The following OSBP2 variants were observed in gnomAD, a reference collection of about 807,000 sequenced individuals.
The protein encoded by OSBP2 is oxysterol binding protein 2.
OSBP2 carries 66 observed loss-of-function variants against 96.0 expected under a neutral mutation model. The observed-to-expected ratio is 0.69, with a 90% CI of 0.56 to 0.84. The LOEUF is 0.84. Ranked by LOEUF, OSBP2 falls within the 40% of genes least tolerant of loss-of-function variation. The pLI is 0.00. For missense variants in OSBP2, 1,038 were observed against 1,222.7 expected (o/e 0.85, Z 2.25); for synonymous variants, 525 against 520.9 (o/e 1.01, Z -0.11).
intron 2 of OSBP2, among the ~76,000 whole-genome samples, chr22:30,780,388 G>C (rs1211995788): frequency 1.3e-5 from 2 of 152,204 alleles, no homozygotes; most frequent in Non-Finnish European, 1.5e-5. Flanking sequence ...TACGTATAAA[G>C]AACCCGACAC....
At chr22:30,869,088 C>T (rs1445076265) in intron 2 of OSBP2, among the ~76,000 whole-genome samples, 8 of 152,216 alleles carry the variant, frequency 5.3e-5, no homozygotes, top group African/African-American at 1.9e-4. Flanking sequence ...GGCCAGCTGC[C>T]TCCTGCCCCA....
rs531290001 is a variant in OSBP2 at position 30,897,722 on chromosome 22, C to T, written c.2375+3721C>T. ...GGAGGCCGAAGGTAGCGGGGGAGGG[C>T]GGGGATCACCTGAGGTCAGGAGTTC... On this transcript the variant is annotated intron_variant, in intron 12 of 13. Transcript: ENST00000332585. Among the ~76,000 whole-genome samples the T allele has an allele frequency of 1.6e-4, 25 of 152,094 alleles. No individual in the cohort carries two copies. The South Asian group carries it at 2.7e-3, about 16-fold the overall frequency.
chr22:30,727,838 G>A (rs979853633), intron 1 of OSBP2, among the ~76,000 whole-genome samples: 31 of 152,150 alleles, frequency 2.0e-4, no homozygotes, highest in Non-Finnish European at 4.1e-4. Context: ...CGGGCGCAGT[G>A]TCTCACACCT....
chr22:30,738,063 C>T (rs1204220782), intron 1 of OSBP2, among the ~76,000 whole-genome samples: 2 of 151,674 alleles, frequency 1.3e-5, no homozygotes, highest in Non-Finnish European at 2.9e-5. Context: ...TAGTCCCTGC[C>T]TGATTTTCTT....
chr22:30,809,650 GAACT>G (rs1394016125), intron 2 of OSBP2, among the ~76,000 whole-genome samples: 12 of 152,154 alleles, frequency 7.9e-5, no homozygotes, highest in Non-Finnish European at 1.6e-4. Flanking sequence ...CTTCGAACTT[GAACT>G]TGACTCTGTT....
chr22:30,706,251 C>T lies in OSBP2; in HGVS notation c.644+10698C>T, dbSNP rs559146317. On this transcript the variant is annotated intron_variant, in intron 1 of 13. Coordinates refer to ENST00000332585, the MANE Select transcript of OSBP2 (RefSeq NM_030758.4). ...GAGGCCCCTTTCATAATCATACACACGGAGCAAACTGTCAATAAGTTTTGG... is the reference window on the plus strand; with the variant it reads ...GAGGCCCCTTTCATAATCATACACATGGAGCAAACTGTCAATAAGTTTTGG... Among the ~76,000 whole-genome samples, 164 of 152,240 alleles carry T rather than the reference C, an allele frequency of 1.1e-3. 1 individual carries two copies. The highest frequency in any genetic ancestry group is 3.5e-3 in the African/African-American group (146 of 41,550).
intron 2 of OSBP2, among the ~76,000 whole-genome samples, chr22:30,860,251 T>C (rs2039182849): frequency 6.6e-6 from 1 of 152,118 alleles, no homozygotes; most frequent in Admixed American, 6.5e-5. Context: ...GAGTTTCTGA[T>C]TGTATCTCGG....
intron 1 of OSBP2, among the ~76,000 whole-genome samples, chr22:30,697,400 T>C (rs2089063152): frequency 6.6e-6 from 1 of 152,150 alleles, no homozygotes; most frequent in African/African-American, 2.4e-5. Flanking sequence ...TGCCTCAGTC[T>C]CCCAAGTAGC....
At chr22:30,782,375 CT>C (rs961519251) in intron 2 of OSBP2, among the ~76,000 whole-genome samples, 2 of 151,616 alleles carry the variant, frequency 1.3e-5, no homozygotes, top group Admixed American at 1.3e-4. Context: ...TCTAGGATTT[CT>C]TTTTTTTTCT....
intron 1 of OSBP2, among the ~76,000 whole-genome samples, chr22:30,727,406 T>C (rs1387519439): frequency 6.6e-6 from 1 of 152,104 alleles, no homozygotes; most frequent in Non-Finnish European, 1.5e-5. Context: ...AACCTGGATA[T>C]GTTAAGCAGA....
chr22:30,706,911 T>A (rs1403525681), intron 1 of OSBP2, among the ~76,000 whole-genome samples: 1 of 152,174 alleles, frequency 6.6e-6, no homozygotes, highest in Non-Finnish European at 1.5e-5. Flanking sequence ...GGAACTGTCC[T>A]TCTTCTGGAT....
chr22:30,899,402 C>CAAA (rs59384656), intron 12 of OSBP2, among the ~76,000 whole-genome samples: 61 of 86,620 alleles, frequency 7.0e-4, no homozygotes, highest in Non-Finnish European at 9.0e-4. Context: ...GACCCTATCT[C>CAAA]AAAAAAAAAA....
chr22:30,885,661 C>T (rs539788389), intron 3 of OSBP2, among the ~76,000 whole-genome samples: 45 of 152,246 alleles, frequency 3.0e-4, no homozygotes, highest in Non-Finnish European at 5.1e-4. Context: ...TTCTGTGCCA[C>T]GGCCAGGGAC....
intron 2 of OSBP2, among the ~76,000 whole-genome samples, chr22:30,748,120 A>G (rs1357337825): frequency 6.6e-6 from 1 of 151,276 alleles, no homozygotes; most frequent in Non-Finnish European, 1.5e-5. Context: ...CAAATGATCC[A>G]CCCACCCCTG....
intron 2 of OSBP2, among the ~76,000 whole-genome samples, chr22:30,801,986 A>T (rs945366147): frequency 2.6e-5 from 4 of 151,690 alleles, no homozygotes; most frequent in African/African-American, 4.9e-5. Context: ...GTACATAAAT[A>T]GAATGAATGA....
intron 3 of OSBP2, among the ~76,000 whole-genome samples, chr22:30,880,518 G>A (rs2039680524): frequency 6.6e-6 from 1 of 152,204 alleles, no homozygotes; most frequent in African/African-American, 2.4e-5. Flanking sequence ...CCCAGTGGCT[G>A]CCCACGTCAA....
rs1258595066 is a variant in OSBP2, at chr22:30,871,665, G to C, written c.1107+983G>C. Among the ~76,000 whole-genome samples, 1 of 148,060 alleles carries C rather than the reference G, an allele frequency of 6.8e-6. No homozygotes were observed. Among genetic ancestry groups the C allele is most frequent in the Non-Finnish European group, 1.5e-5 (1 of 66,228 alleles). On this transcript the variant is annotated intron_variant, in intron 3 of 13. Transcript: ENST00000332585. The surrounding 1 kb of genome is among the most constrained non-coding windows in gnomAD (Gnocchi z 4.7). ...GTGCCTGGGTGACCTCCAGCTGGGG[G>C]ACCCAGCCCCCAAACTAGGAGGTTA...
chr22:30,763,660 G>A (rs1281191236), intron 2 of OSBP2, among the ~76,000 whole-genome samples: 1 of 151,198 alleles, frequency 6.6e-6, no homozygotes, highest in East Asian at 1.9e-4. Context: ...AAACCCACAG[G>A]TCACCCAGTT....
chr22:30,713,932 G>A (rs1349939949), intron 1 of OSBP2, among the ~76,000 whole-genome samples: 2 of 151,972 alleles, frequency 1.3e-5, no homozygotes, highest in Non-Finnish European at 1.5e-5. Context: ...CCTGTCTTCC[G>A]GTTATTTGAA....
Sources: allele counts gnomAD v4.1 joint callset (sites outside exome capture counted in the v4.1 genomes callset), GRCh38; gene constraint gnomAD v4.1.1; non-coding constraint Gnocchi (gnomAD v3.1); transcripts MANE v1.5; gene names NCBI Gene and HGNC (gene_info 2026-07-23, HGNC 2026-07-21).